The following JAM2 variants were observed in gnomAD, a reference collection of about 807,000 sequenced individuals.
JAM2 encodes junctional adhesion molecule B.
Under a neutral mutation model 42.0 loss-of-function variants are expected in JAM2, and 17 were observed. The ratio of observed to expected loss-of-function variants is 0.40; its 90% confidence interval spans 0.28 to 0.61. The LOEUF is 0.61. Among genes scored for constraint, JAM2 ranks in the 20% least tolerant of loss-of-function variants. JAM2 has a pLI of 0.37. For synonymous variants in JAM2, 118 were observed against 128.6 expected, an observed-to-expected ratio of 0.92 and a Z score of 0.56; for missense variants, 319 against 358.3, an observed-to-expected ratio of 0.89 and a Z score of 0.89.
At position 25,717,466 on chromosome 21, in the gene JAM2, G is replaced by A; in HGVS notation, c.*2794G>A. On this transcript the variant is annotated 3_prime_UTR_variant, in exon 10 of 10. Transcript: ENST00000480456. The stretch of plus-strand genomic sequence containing the variant: ...ATTTTTAGTTGGAGGTTTGACCTAA[G>A]TCTGGACCAATTGATTGCTTTTCAA... 1.7e-6 allele frequency: 1 copy of A among 583,036 alleles called. No individual in the cohort carries two copies. The highest frequency in any genetic ancestry group is 3.3e-5 in the South Asian group (1 of 30,038). The allele number at this position is 583,036 out of a possible 1,614,324, so 36.1% of individuals were successfully genotyped here. A position where few individuals can be genotyped will look rare whatever the true frequency, so the allele number is the denominator to read the frequency against.
At chr21:25,684,762 A>G (rs1256928594) in intron 2 of JAM2, among the ~76,000 whole-genome samples, 1 of 151,748 alleles carries the variant, frequency 6.6e-6, no homozygotes, top group Non-Finnish European at 1.5e-5. Context: ...TGTCTGGCTA[A>G]TTTTTTGTAT....
At chr21:25,670,384 C>T (rs1235772976) in intron 1 of JAM2, among the ~76,000 whole-genome samples, 3 of 151,980 alleles carry the variant, frequency 2.0e-5, no homozygotes, top group African/African-American at 7.3e-5. Context: ...CTCAGGATTG[C>T]TGAGGTGCAG....
chr21:25,695,126 G>T (rs917030281), intron 4 of JAM2, among the ~76,000 whole-genome samples: 1 of 152,036 alleles, frequency 6.6e-6, no homozygotes, highest in Non-Finnish European at 1.5e-5. Flanking sequence ...AGGACCCTGC[G>T]GCCTTCCGCA....
chr21:25,695,923 G>T (rs1251445150), intron 4 of JAM2, among the ~76,000 whole-genome samples: 1 of 151,806 alleles, frequency 6.6e-6, no homozygotes, highest in Non-Finnish European at 1.5e-5. Flanking sequence ...CAGGCAGAGG[G>T]GCTCCTCACA....
At chr21:25,684,016 G>A (rs371123533) in intron 2 of JAM2, 68 bp downstream of exon 2, 3 of 1,005,728 alleles carry the variant, frequency 3.0e-6, no homozygotes, top group Non-Finnish European at 4.4e-6. Context: ...CTCGTGTGAT[G>A]TTATTTTCTA....
chr21:25,659,785 T>C (rs2033030476), intron 1 of JAM2, among the ~76,000 whole-genome samples: 1 of 152,220 alleles, frequency 6.6e-6, no homozygotes, highest in African/African-American at 2.4e-5. Flanking sequence ...CATACTATTC[T>C]TGACAGATAA....
At chr21:25,675,222 G>A (rs766091105) in intron 1 of JAM2, among the ~76,000 whole-genome samples, 6 of 152,204 alleles carry the variant, frequency 3.9e-5, no homozygotes, top group East Asian at 1.9e-4. Context: ...TTGGCCAGGC[G>A]CGGTGGCTTA....
chr21:25,698,526 A>G lies in JAM2; in HGVS notation c.395-151A>G, dbSNP rs1023665654. The G allele has an allele frequency of 1.2e-5, 8 of 641,712 alleles. No individual in the cohort carries two copies. The African/African-American group carries it at 1.5e-4, about 12-fold the overall frequency. The allele number at this position is 641,712 out of a possible 1,614,324, so 39.8% of individuals were successfully genotyped here. On this transcript the variant is annotated intron_variant, in intron 4 of 9. Coordinates refer to ENST00000480456, the MANE Select transcript of JAM2 (RefSeq NM_021219.4). Reference sequence around the variant, plus strand: ...AAGAAGATGGGTTTGTTGGACAAGTAAGCAGTCTCTATCACAGGGTCCAGT... The same window carrying G: ...AAGAAGATGGGTTTGTTGGACAAGTGAGCAGTCTCTATCACAGGGTCCAGT...
intron 1 of JAM2, among the ~76,000 whole-genome samples, chr21:25,641,407 G>T (rs2032436887): frequency 6.6e-6 from 1 of 152,092 alleles, no homozygotes; most frequent in African/African-American, 2.4e-5. Context: ...ACAACCAAGA[G>T]GCGAACAAAA....
Position 25,686,536 on chromosome 21 carries a change from G to A in JAM2, c.133+2588G>A, listed in dbSNP as rs866345531. 3.9e-5 allele frequency among the ~76,000 whole-genome samples: 6 copies of A among 152,296 alleles called. No homozygotes were observed. The South Asian group carries it at 8.3e-4, about 21-fold the overall frequency. On this transcript the variant is annotated intron_variant, in intron 2 of 9. Coordinates refer to ENST00000480456, the MANE Select transcript of JAM2 (RefSeq NM_021219.4). ...TATGAATTAATTCCTTCTTTCCAGC[G>A]CTGCTGTGCTGTATCACTTCCCATG...
At chr21:25,657,321 C>G (rs1417173385) in intron 1 of JAM2, among the ~76,000 whole-genome samples, 1 of 152,192 alleles carries the variant, frequency 6.6e-6, no homozygotes, top group Non-Finnish European at 1.5e-5. Flanking sequence ...ACCTGACTTT[C>G]ATCTTTTACC....
At chr21:25,700,751 C>A (rs575024772) in intron 5 of JAM2, among the ~76,000 whole-genome samples, 2 of 152,294 alleles carry the variant, frequency 1.3e-5, no homozygotes, top group South Asian at 4.1e-4. Flanking sequence ...TTCTGATAAA[C>A]AAGAAAGCAA....
intron 1 of JAM2, among the ~76,000 whole-genome samples, chr21:25,646,614 A>C (rs1035656127): frequency 1.3e-5 from 2 of 151,204 alleles, no homozygotes; most frequent in African/African-American, 2.4e-5. Context: ...GAGAGGGAGG[A>C]TGGATGGATG....
chr21:25,641,058 A>G (rs1421450516), intron 1 of JAM2, among the ~76,000 whole-genome samples: 1 of 152,202 alleles, frequency 6.6e-6, no homozygotes, highest in Non-Finnish European at 1.5e-5. Context: ...AGGGACATGT[A>G]CTGACCAATA....
In JAM2 at chr21:25,706,053, G is replaced by A. The variant is rs768231260; in HGVS notation, c.772G>A (p.Val258Ile). The change falls in exon 7 of 10, where the codon GTA (valine) becomes ATA (isoleucine). Residue 258 changes from valine to isoleucine, a missense_variant. Val to Ile is a conservative substitution (Grantham distance 29). Coordinates refer to ENST00000480456, the MANE Select transcript of JAM2 (RefSeq NM_021219.4). ...AGTGATTTCCGTTTGTGGCCTTGGT[G>A]TATGCTATGCTCAGAGGAAAGGCTA... ...ALVISVCGLG[V>I]CYAQRKGYFS... is the part of the protein sequence containing the mutation. The A allele has an allele frequency of 8.1e-6, 13 of 1,613,410 alleles. No homozygotes were observed. In the South Asian group the frequency reaches 1.4e-4, roughly 18 times the overall value.
chr21:25,693,694 A>G, intron 3 of JAM2, 62 bp from the exon 4 acceptor site: 2 of 1,317,344 alleles, frequency 1.5e-6, no homozygotes, highest in Non-Finnish European at 2.2e-6. Context: ...TGATTAGAGG[A>G]AGGTATTACA....
At chr21:25,682,057 G>C (rs1432046745) in intron 1 of JAM2, among the ~76,000 whole-genome samples, 1 of 152,192 alleles carries the variant, frequency 6.6e-6, no homozygotes, top group African/African-American at 2.4e-5. Context: ...TCATTTACTG[G>C]ACTTTTCTCA....
intron 7 of JAM2, among the ~76,000 whole-genome samples, chr21:25,707,999 C>A (rs1025837828): frequency 2.6e-5 from 4 of 151,886 alleles, no homozygotes; most frequent in African/African-American, 9.7e-5. Context: ...GCACATACCA[C>A]CACACCTGGC....
intron 5 of JAM2, among the ~76,000 whole-genome samples, chr21:25,701,284 A>C (rs2034158312): frequency 1.3e-5 from 2 of 152,114 alleles, no homozygotes; most frequent in Admixed American, 1.3e-4. Flanking sequence ...AAAACAGGAA[A>C]ACTTTCTCTC....
Sources: gnomAD v4.1 joint callset for allele counts (sites outside exome capture counted in the v4.1 genomes callset) on GRCh38, gnomAD v4.1.1 for gene constraint, MANE v1.5 for transcripts, NCBI Gene and HGNC (gene_info 2026-07-23, HGNC 2026-07-21) for gene names.